Variants in CABCOCO1 observed in about 807,000 individuals in gnomAD.
CABCOCO1 encodes ciliary associated calcium binding coiled-coil 1, also known as ciliary-associated calcium-binding coiled-coil protein 1.
In CABCOCO1, 28 loss-of-function variants were observed where a neutral mutation model predicts 35.7. The ratio of observed to expected loss-of-function variants is 0.78; its 90% CI spans 0.58 to 1.07. The LOEUF (loss-of-function observed/expected upper bound fraction) is 1.07, where lower values mean the gene tolerates loss of function less well. Among genes scored for constraint, CABCOCO1 ranks in the 50% least tolerant of loss-of-function variants. CABCOCO1 has a pLI of 0.00. For synonymous variants in CABCOCO1, 95 were observed against 100.1 expected (o/e 0.95, Z 0.30); for missense variants, 326 against 309.2 (o/e 1.05, Z -0.41).
intron 5 of CABCOCO1, among the ~76,000 whole-genome samples, chr10:61,697,188 CT>C (rs1447260119): frequency 2.6e-5 from 4 of 152,040 alleles, no homozygotes; most frequent in Non-Finnish European, 5.9e-5. Context: ...TTATATAAAG[CT>C]TTTCCTACCT....
intron 5 of CABCOCO1, among the ~76,000 whole-genome samples, chr10:61,734,517 GAA>G (rs35877643): frequency 1.4e-4 from 21 of 148,840 alleles, no homozygotes; most frequent in Middle Eastern, 3.2e-3. Context: ...TAGGAAGGGG[GAA>G]AAAAAAAACA....
chr10:61,691,438 G>T (rs1456252469), intron 5 of CABCOCO1, among the ~76,000 whole-genome samples: 1 of 152,076 alleles, frequency 6.6e-6, no homozygotes, highest in Non-Finnish European at 1.5e-5. Context: ...TCACATATTT[G>T]TAATTCCTAG....
intron 5 of CABCOCO1, among the ~76,000 whole-genome samples, chr10:61,742,952 G>T (rs1841581108): frequency 6.6e-6 from 1 of 152,168 alleles, no homozygotes. Context: ...ATTCTTTACT[G>T]CACTATTTAA....
chr10:61,703,125 T>C (rs1840502198), intron 5 of CABCOCO1, among the ~76,000 whole-genome samples: 1 of 152,030 alleles, frequency 6.6e-6, no homozygotes, highest in African/African-American at 2.4e-5. Context: ...GACTTTGGAC[T>C]AAGAAGAATT....
intron 1 of CABCOCO1, among the ~76,000 whole-genome samples, chr10:61,663,452 T>G (rs2131937647): frequency 6.6e-6 from 1 of 152,264 alleles, no homozygotes; most frequent in East Asian, 1.9e-4. Flanking sequence ...AAATTGCTAC[T>G]AATTTTGTAA....
intron 1 of CABCOCO1, among the ~76,000 whole-genome samples, chr10:61,666,342 T>C (rs551627663): frequency 5.3e-5 from 8 of 152,348 alleles, no homozygotes; most frequent in Admixed American, 5.2e-4. Flanking sequence ...AGTGAACACA[T>C]TGTAATCACA....
intron 4 of CABCOCO1, among the ~76,000 whole-genome samples, chr10:61,687,162 G>A (rs1000067522): frequency 2.2e-4 from 34 of 152,280 alleles, no homozygotes; most frequent in Admixed American, 1.6e-3. Flanking sequence ...AATTAATAAT[G>A]TCATATGATA....
intron 5 of CABCOCO1, among the ~76,000 whole-genome samples, chr10:61,715,615 C>G (rs1322520856): frequency 2.0e-5 from 3 of 152,144 alleles, no homozygotes; most frequent in Admixed American, 1.3e-4. Flanking sequence ...CATCGATGGT[C>G]TTTACAATTT....
intron 5 of CABCOCO1, among the ~76,000 whole-genome samples, chr10:61,752,187 C>A (rs897544417): frequency 3.9e-5 from 6 of 152,090 alleles, no homozygotes; most frequent in Admixed American, 3.9e-4. Flanking sequence ...GAATAAAAGG[C>A]TGCCTTGCCT....
intron 5 of CABCOCO1, among the ~76,000 whole-genome samples, chr10:61,711,664 T>C (rs1840736161): frequency 6.6e-6 from 1 of 151,982 alleles, no homozygotes; most frequent in Non-Finnish European, 1.5e-5. Flanking sequence ...ACAGAAAACA[T>C]TCATTTTAAG....
intron 2 of CABCOCO1, among the ~76,000 whole-genome samples, chr10:61,677,458 C>G (rs1486341170): frequency 6.6e-6 from 1 of 152,138 alleles, no homozygotes; most frequent in Non-Finnish European, 1.5e-5. Context: ...TGAAGGCTTC[C>G]TATTTCTCCT....
Position 61,663,824 on chromosome 10 carries a change from T to TA in CABCOCO1, c.60+802dup, listed in dbSNP as rs5785491. ...AACACATCTGCTGTGCCAGATATTA[T>TA]AAAAAAAAAAGTTTAAATCTTTGCA... On this transcript the variant is annotated intron_variant, in intron 1 of 7. Coordinates refer to ENST00000648843, the MANE Select transcript of CABCOCO1 (RefSeq NM_001366906.2). Among the ~76,000 whole-genome samples the TA allele has an allele frequency of 2.0e-4, 30 of 151,618 alleles. 1 individual carries two copies. The highest frequency in any genetic ancestry group is 1.3e-3 in the South Asian group (6 of 4,798).
intron 5 of CABCOCO1, among the ~76,000 whole-genome samples, chr10:61,730,169 T>TAAA (rs34679268): frequency 6.2e-5 from 9 of 144,070 alleles, no homozygotes; most frequent in Admixed American, 6.9e-5. Flanking sequence ...CATTGTCCAA[T>TAAA]AAAAAAAAAA....
intron 1 of CABCOCO1, among the ~76,000 whole-genome samples, chr10:61,667,548 T>C (rs1839225697): frequency 6.6e-6 from 1 of 151,782 alleles, no homozygotes; most frequent in Non-Finnish European, 1.5e-5. Context: ...TTTCAATAAA[T>C]CTCTTTTATC....
intron 5 of CABCOCO1, among the ~76,000 whole-genome samples, chr10:61,754,009 A>G (rs955813052): frequency 2.0e-5 from 3 of 152,164 alleles, no homozygotes; most frequent in Admixed American, 6.6e-5. Context: ...CTGTCTTTCA[A>G]TGATGGCATT....
rs114142722 is a variant in CABCOCO1, at chr10:61,718,153, C to T, written c.552+27532C>T. ...TAACATAGGAAAGTTCCTCCCAAAG[C>T]GTAGTTGGAATGAAATCTTCCTACT... On this transcript the variant is annotated intron_variant, in intron 5 of 7. Transcript: ENST00000648843. Among the ~76,000 whole-genome samples, 1,249 of 152,194 alleles carry T rather than the reference C, an allele frequency of 8.2e-3. 15 individuals carry two copies. The highest frequency in any genetic ancestry group is 0.024 in the African/African-American group (996 of 41,544).
At chr10:61,737,567 A>G (rs1324190227) in intron 5 of CABCOCO1, among the ~76,000 whole-genome samples, 3 of 152,342 alleles carry the variant, frequency 2.0e-5, no homozygotes, top group African/African-American at 4.8e-5. Context: ...ATGCTCATCA[A>G]TGACAGACTG....
At chr10:61,675,196 A>G (rs1477366589) in intron 2 of CABCOCO1, among the ~76,000 whole-genome samples, 3 of 152,138 alleles carry the variant, frequency 2.0e-5, no homozygotes, top group Non-Finnish European at 4.4e-5. Flanking sequence ...CTTTCATGCT[A>G]CCGCCATAGC....
intron 1 of CABCOCO1, among the ~76,000 whole-genome samples, chr10:61,669,151 T>A (rs1839283796): frequency 6.6e-6 from 1 of 151,888 alleles, no homozygotes; most frequent in African/African-American, 2.4e-5. Context: ...TATTAAAAAT[T>A]TTTTTTATAT....
Sources: allele counts gnomAD v4.1 joint callset (sites outside exome capture counted in the v4.1 genomes callset), GRCh38; gene constraint gnomAD v4.1.1; transcripts MANE v1.5; gene names NCBI Gene and HGNC (gene_info 2026-07-23, HGNC 2026-07-21).